Variants in SUGCT observed in about 807,000 individuals in gnomAD.
The protein encoded by SUGCT is succinyl-CoA:glutarate-CoA transferase.
Under a neutral mutation model 55.0 loss-of-function variants are expected in SUGCT, and 41 were observed. That is an observed-to-expected ratio of 0.74 (90% CI 0.58 to 0.97). SUGCT has a LOEUF of 0.97. Ranked by LOEUF, SUGCT falls within the 50% of genes least tolerant of loss-of-function variation. The probability of loss-of-function intolerance (pLI) is 0.00; values close to 1 mark genes in which losing one functional copy is unlikely to be tolerated. For missense variants in SUGCT, 568 were observed against 547.8 expected, an observed-to-expected ratio of 1.04 and a Z score of -0.37; for synonymous variants, 187 against 200.4, an observed-to-expected ratio of 0.93 and a Z score of 0.56.
At chr7:40,512,442 G>A (rs757969610) in intron 12 of SUGCT, among the ~76,000 whole-genome samples, 1 of 152,212 alleles carries the variant, frequency 6.6e-6, no homozygotes, top group Non-Finnish European at 1.5e-5. Flanking sequence ...TTTAGATAGA[G>A]TGCTGTGGCT....
At chr7:40,735,617 T>A (rs186210217) in intron 12 of SUGCT, among the ~76,000 whole-genome samples, 175 of 152,106 alleles carry the variant, frequency 1.2e-3, no homozygotes, top group African/African-American at 4.0e-3. Context: ...AAGTCCACAG[T>A]AGGTGGGAGA....
At chr7:40,868,579 C>G in the SUGCT span, among the ~76,000 whole-genome samples, 1 of 152,174 alleles carries the variant, frequency 6.6e-6, no homozygotes, top group African/African-American at 2.4e-5. Context: ...TGAGCGCTTG[C>G]TCTGTCATCC....
At chr7:41,036,797 A>G in the SUGCT span, among the ~76,000 whole-genome samples, 1 of 152,110 alleles carries the variant, frequency 6.6e-6, no homozygotes, top group Non-Finnish European at 1.5e-5. Flanking sequence ...ATCTCTCTCC[A>G]AACTCCCTTC....
intron 12 of SUGCT, among the ~76,000 whole-genome samples, chr7:40,531,394 C>G (rs762096016): frequency 6.6e-6 from 1 of 152,014 alleles, no homozygotes; most frequent in Non-Finnish European, 1.5e-5. Flanking sequence ...CTGGGCTCCT[C>G]TCATTATCAC....
intron 7 of SUGCT, among the ~76,000 whole-genome samples, chr7:40,272,175 T>C (rs1437085353): frequency 3.1e-5 from 2 of 64,128 alleles, no homozygotes; most frequent in Non-Finnish European, 2.8e-5. Flanking sequence ...TATATATATA[T>C]ATATATATAT....
At chr7:40,988,626 C>G in the SUGCT span, among the ~76,000 whole-genome samples, 149 of 152,110 alleles carry the variant, frequency 9.8e-4, no homozygotes, top group African/African-American at 2.9e-3. Context: ...AAAAAATATG[C>G]TTTAAATATG....
At chr7:40,695,280 T>C (rs1306169240) in intron 12 of SUGCT, among the ~76,000 whole-genome samples, 1 of 151,680 alleles carries the variant, frequency 6.6e-6, no homozygotes, top group Non-Finnish European at 1.5e-5. Context: ...TCACTGCAGC[T>C]TTGACTCCCT....
chr7:40,948,615 C>T, the SUGCT span, among the ~76,000 whole-genome samples: 2 of 151,972 alleles, frequency 1.3e-5, no homozygotes, highest in Non-Finnish European at 2.9e-5. Flanking sequence ...TTCCCCCACC[C>T]GCCGACAGGC....
At chr7:41,036,384 C>T in the SUGCT span, among the ~76,000 whole-genome samples, 1 of 152,150 alleles carries the variant, frequency 6.6e-6, no homozygotes, top group African/African-American at 2.4e-5. Context: ...TATTACAAGA[C>T]AAACAACCTG....
the SUGCT span, among the ~76,000 whole-genome samples, chr7:40,976,794 C>T: frequency 6.6e-6 from 1 of 152,114 alleles, no homozygotes; most frequent in Non-Finnish European, 1.5e-5. Flanking sequence ...TCACACAGAC[C>T]CCAAAGGTTT....
chr7:40,333,005 C>T (rs548524772), intron 9 of SUGCT, among the ~76,000 whole-genome samples: 1 of 152,124 alleles, frequency 6.6e-6, no homozygotes, highest in Admixed American at 6.5e-5. Context: ...GTATAGTCCC[C>T]AAGTATTTAT....
chr7:40,971,807 G>A, the SUGCT span, among the ~76,000 whole-genome samples: 3 of 152,118 alleles, frequency 2.0e-5, no homozygotes, highest in Non-Finnish European at 4.4e-5. Flanking sequence ...CCTCACTTTT[G>A]TTTGCAGCTC....
At chr7:40,294,340 AC>A (rs1793985018) in intron 8 of SUGCT, among the ~76,000 whole-genome samples, 1 of 152,192 alleles carries the variant, frequency 6.6e-6, no homozygotes, top group African/African-American at 2.4e-5. Context: ...ACAGCAGCTT[AC>A]CTGTGTAACT....
the SUGCT span, among the ~76,000 whole-genome samples, chr7:40,950,785 C>T: frequency 6.6e-6 from 1 of 152,148 alleles, no homozygotes; most frequent in Non-Finnish European, 1.5e-5. Flanking sequence ...GTTGAAACAG[C>T]CTTGCATCCC....
At chr7:40,600,005 C>G (rs1798213425) in intron 12 of SUGCT, among the ~76,000 whole-genome samples, 1 of 152,040 alleles carries the variant, frequency 6.6e-6, no homozygotes, top group African/African-American at 2.4e-5. Flanking sequence ...TTCCTCTTTG[C>G]AGTTATATTT....
At chr7:40,811,730 A>G (rs899059850) in intron 13 of SUGCT, among the ~76,000 whole-genome samples, 6 of 151,732 alleles carry the variant, frequency 4.0e-5, no homozygotes, top group Admixed American at 3.9e-4. Flanking sequence ...TAGTTTGACT[A>G]CTTTTCTTAT....
intron 13 of SUGCT, among the ~76,000 whole-genome samples, chr7:40,848,357 A>T (rs1793683014): frequency 6.6e-6 from 1 of 152,116 alleles, no homozygotes; most frequent in Non-Finnish European, 1.5e-5. Context: ...CCCTTAAGGA[A>T]ATGTATATAT....
At chr7:40,197,240 A>G (rs1380497815) in intron 6 of SUGCT, among the ~76,000 whole-genome samples, 1 of 152,160 alleles carries the variant, frequency 6.6e-6, no homozygotes, top group South Asian at 2.1e-4. Flanking sequence ...ATCCATAATC[A>G]TATTTTCATT....
At chr7:40,143,558 G>A (rs973958231) in intron 1 of SUGCT, among the ~76,000 whole-genome samples, 78 of 152,356 alleles carry the variant, frequency 5.1e-4, no homozygotes, top group African/African-American at 1.7e-3. Context: ...CCTGCGGTGC[G>A]CACAAGCATA....
Sources: gnomAD v4.1 joint callset for allele counts (sites outside exome capture counted in the v4.1 genomes callset) on GRCh38, gnomAD v4.1.1 for gene constraint, MANE v1.5 for transcripts, NCBI Gene and HGNC (gene_info 2026-07-23, HGNC 2026-07-21) for gene names.